The following ZC2HC1A variants were observed in gnomAD, a reference collection of about 807,000 sequenced individuals.
ZC2HC1A encodes zinc finger C2HC domain-containing protein 1A.
ZC2HC1A carries 28 observed loss-of-function variants against 40.7 expected under a neutral mutation model. The observed-to-expected ratio is 0.69, with a 90% confidence interval of 0.51 to 0.94. The LOEUF (loss-of-function observed/expected upper bound fraction) is 0.94. Among genes scored for constraint, ZC2HC1A ranks in the 40% least tolerant of loss-of-function variants. The pLI is 0.00. For synonymous variants in ZC2HC1A, 129 were observed against 129.2 expected, an observed-to-expected ratio of 1.00 and a Z score of 0.01; for missense variants, 389 against 386.3, an observed-to-expected ratio of 1.01 and a Z score of -0.06.
chr8:78,674,409 C>T (rs1332478724), intron 1 of ZC2HC1A, among the ~76,000 whole-genome samples: 1 of 152,116 alleles, frequency 6.6e-6, no homozygotes, highest in Non-Finnish European at 1.5e-5. Flanking sequence ...GATTAGTTAG[C>T]GTGTGATGTT....
rs375136607 is a variant in ZC2HC1A, at chr8:78,696,464, C to G, written c.505-943C>G. On this transcript the variant is annotated intron_variant, in intron 5 of 8. Coordinates refer to ENST00000263849, the MANE Select transcript of ZC2HC1A (RefSeq NM_016010.3). The stretch of plus-strand genomic sequence containing the variant: ...ACCAGCATGAGTCTAAATTCCTGCT[C>G]TGCTGTGAAGTTGGGGCATAACCCT... Among the ~76,000 whole-genome samples, 4 of 152,166 alleles carry G rather than the reference C, an allele frequency of 2.6e-5. No individual in the cohort carries two copies. In the East Asian group the frequency reaches 5.8e-4, roughly 22 times the overall value.
At chr8:78,684,477 C>G (rs1158586660) in intron 3 of ZC2HC1A, among the ~76,000 whole-genome samples, 1 of 152,132 alleles carries the variant, frequency 6.6e-6, no homozygotes, top group Non-Finnish European at 1.5e-5. Flanking sequence ...TACCGAGTAC[C>G]CCCATAACAG....
At chr8:78,690,377 G>T (rs1423051071) in intron 5 of ZC2HC1A, among the ~76,000 whole-genome samples, 1 of 152,058 alleles carries the variant, frequency 6.6e-6, no homozygotes, top group Admixed American at 6.6e-5. Context: ...TGGCTAACAC[G>T]GTGAAACCCC....
At chr8:78,709,322 A>C (rs1286077248) in intron 7 of ZC2HC1A, among the ~76,000 whole-genome samples, 1 of 152,186 alleles carries the variant, frequency 6.6e-6, no homozygotes, top group South Asian at 2.1e-4. Flanking sequence ...TTTTGAGTAC[A>C]TTTTTATATG....
At chr8:78,687,770 TTATATA>T (rs35861337) in intron 4 of ZC2HC1A, among the ~76,000 whole-genome samples, 1 of 25,854 alleles carries the variant, frequency 3.9e-5, no homozygotes, top group African/African-American at 1.3e-4. Context: ...ACGTAAGACA[TTATATA>T]TATATTTACG....
chr8:78,717,646 G>A lies in ZC2HC1A; in HGVS notation c.*153G>A. The A allele has an allele frequency of 1.3e-6, 1 of 774,602 alleles. No homozygotes were observed. 48.0% of individuals were successfully genotyped at this position (774,602 alleles called of 1,614,324 possible). Reference sequence around the variant, plus strand: ...AAGTGTAATCTTTTGGCTATATAATGTGTGTATGTTTATATGTGTACATAT... The same window carrying A: ...AAGTGTAATCTTTTGGCTATATAATATGTGTATGTTTATATGTGTACATAT... On this transcript the variant is annotated 3_prime_UTR_variant, in exon 9 of 9. Transcript: ENST00000263849.
chr8:78,672,171 T>C (rs1002063884), intron 1 of ZC2HC1A, among the ~76,000 whole-genome samples: 1 of 152,134 alleles, frequency 6.6e-6, no homozygotes, highest in African/African-American at 2.4e-5. Flanking sequence ...CTTTTGACTC[T>C]GAGGCCTAAG....
At chr8:78,692,978 G>A (rs1050348696) in intron 5 of ZC2HC1A, among the ~76,000 whole-genome samples, 15 of 151,910 alleles carry the variant, frequency 9.9e-5, no homozygotes, top group African/African-American at 1.9e-4. Context: ...GAGAACATGC[G>A]GTGTTTGGTT....
chr8:78,680,961 G>C (rs1809757355), intron 3 of ZC2HC1A, among the ~76,000 whole-genome samples: 1 of 152,152 alleles, frequency 6.6e-6, no homozygotes, highest in African/African-American at 2.4e-5. Context: ...AGGAGGGAGA[G>C]AATGGTGGGA....
At chr8:78,687,240 T>C (rs570934631) in intron 4 of ZC2HC1A, among the ~76,000 whole-genome samples, 1 of 152,068 alleles carries the variant, frequency 6.6e-6, no homozygotes, top group East Asian at 1.9e-4. Context: ...AAAGAGGTTG[T>C]TAATGTAACA....
chr8:78,694,344 C>A (rs962231471), intron 5 of ZC2HC1A, among the ~76,000 whole-genome samples: 3 of 150,958 alleles, frequency 2.0e-5, no homozygotes, highest in Non-Finnish European at 4.4e-5. Context: ...TTATTATTGA[C>A]CTTTGCTGCT....
At chr8:78,678,879 G>T in intron 3 of ZC2HC1A, 200 bp downstream of exon 3, 1 of 331,674 alleles carries the variant, frequency 3.0e-6, no homozygotes, top group Non-Finnish European at 5.3e-6. Context: ...TAAAAAATAA[G>T]CTTCTAAACT....
intron 8 of ZC2HC1A, among the ~76,000 whole-genome samples, chr8:78,716,497 C>T (rs1282661392): frequency 6.6e-6 from 1 of 151,992 alleles, no homozygotes; most frequent in African/African-American, 2.4e-5. Context: ...TATTGCATCA[C>T]AATAATTTAA....
intron 1 of ZC2HC1A, among the ~76,000 whole-genome samples, chr8:78,668,900 A>C (rs1164007407): frequency 6.6e-6 from 1 of 152,102 alleles, no homozygotes; most frequent in East Asian, 1.9e-4. Flanking sequence ...CAGTATTGTC[A>C]TTCCCTTCAT....
intron 4 of ZC2HC1A, among the ~76,000 whole-genome samples, chr8:78,688,351 A>T (rs1344759520): frequency 6.6e-6 from 1 of 152,136 alleles, no homozygotes; most frequent in Non-Finnish European, 1.5e-5. Flanking sequence ...GGGCCTGACA[A>T]AAACAGCTTA....
chr8:78,666,221 G>A, intron 1 of ZC2HC1A, 57 bp downstream of exon 1: 1 of 1,556,838 alleles, frequency 6.4e-7, no homozygotes, highest in East Asian at 2.4e-5. Flanking sequence ...AACAGCTGGG[G>A]ACCCTGGACA....
chr8:78,698,947 C>T (rs1042233480), intron 7 of ZC2HC1A, among the ~76,000 whole-genome samples: 5 of 152,156 alleles, frequency 3.3e-5, no homozygotes, highest in South Asian at 2.1e-4. Context: ...TAAAGTTAGA[C>T]GCAATATATA....
At chr8:78,703,704 A>AT (rs1563635720) in intron 7 of ZC2HC1A, among the ~76,000 whole-genome samples, 1 of 152,144 alleles carries the variant, frequency 6.6e-6, no homozygotes, top group Non-Finnish European at 1.5e-5. Flanking sequence ...TGAAGACAGC[A>AT]TACCAATGGA....
chr8:78,698,933 C>A (rs1302841800), intron 7 of ZC2HC1A, among the ~76,000 whole-genome samples: 1 of 152,148 alleles, frequency 6.6e-6, no homozygotes, highest in Non-Finnish European at 1.5e-5. Context: ...AGCCACATAG[C>A]TGTTAAAGTT....
Sources: allele counts gnomAD v4.1 joint callset (sites outside exome capture counted in the v4.1 genomes callset), GRCh38; gene constraint gnomAD v4.1.1; transcripts MANE v1.5; gene names NCBI Gene and HGNC (gene_info 2026-07-23, HGNC 2026-07-21).